NEBL: variants seen among roughly 807,000 people sequenced by gnomAD.
NEBL encodes nebulette.
In NEBL, 122 loss-of-function variants were observed where a neutral mutation model predicts 140.2. The ratio of observed to expected loss-of-function variants is 0.87; its 90% CI spans 0.75 to 1.01. The LOEUF (loss-of-function observed/expected upper bound fraction) is 1.01. Ranked by LOEUF, NEBL falls within the 50% of genes least tolerant of loss-of-function variation. The pLI, the probability that NEBL is intolerant of heterozygous loss-of-function variation, is 0.00. For missense variants in NEBL, 1,365 were observed against 1,231.3 expected, an observed-to-expected ratio of 1.11 and a Z score of -1.62; for synonymous variants, 436 against 398.9, an observed-to-expected ratio of 1.09 and a Z score of -1.11.
intron 2 of NEBL, among the ~76,000 whole-genome samples, chr10:21,146,720 T>TA (rs143998663): frequency 0.014 from 2,163 of 152,280 alleles, 48 homozygotes; most frequent in African/African-American, 0.049. Flanking sequence ...CCTGGTAAAG[T>TA]AAAAATTTTT....
chr10:21,258,561 C>T (rs1206737245), intron 1 of NEBL, among the ~76,000 whole-genome samples: 12 of 151,870 alleles, frequency 7.9e-5, no homozygotes, highest in Admixed American at 2.0e-4. Flanking sequence ...AAAAATTAGC[C>T]GGGTGTGGTG....
intron 5 of NEBL, among the ~76,000 whole-genome samples, chr10:20,871,385 T>G (rs1228144599): frequency 6.6e-6 from 1 of 152,224 alleles, no homozygotes; most frequent in East Asian, 1.9e-4. Flanking sequence ...GTAATATTCA[T>G]ATATCTTGTT....
chr10:21,021,196 T>C (rs567736087), intron 2 of NEBL, among the ~76,000 whole-genome samples: 1 of 152,364 alleles, frequency 6.6e-6, no homozygotes, highest in East Asian at 1.9e-4. Context: ...TATTTACTTA[T>C]ATAAATGTAT....
chr10:20,954,881 T>C (rs2131603555), intron 4 of NEBL, among the ~76,000 whole-genome samples: 1 of 152,132 alleles, frequency 6.6e-6, no homozygotes, highest in South Asian at 2.1e-4. Context: ...CAGGCAGAAG[T>C]GTGAAATGGA....
intron 2 of NEBL, among the ~76,000 whole-genome samples, chr10:21,085,743 A>C (rs903667072): frequency 2.7e-5 from 4 of 147,692 alleles, no homozygotes; most frequent in Non-Finnish European, 5.9e-5. Context: ...TATATGTGTT[A>C]AAGTAAAGTT....
intron 2 of NEBL, among the ~76,000 whole-genome samples, chr10:21,038,166 G>C (rs138495120): frequency 1.4e-3 from 211 of 152,232 alleles, no homozygotes; most frequent in African/African-American, 4.5e-3. Context: ...CAATCAAGTA[G>C]CAACTCAAGG....
intron 2 of NEBL, among the ~76,000 whole-genome samples, chr10:21,100,346 A>G (rs1185868297): frequency 6.6e-6 from 1 of 152,158 alleles, no homozygotes. Context: ...CTCTCGCCAC[A>G]GTGAAGAAGC....
intron 4 of NEBL, 54 bp downstream of exon 4, chr10:20,888,043 T>C (rs1377026041): frequency 1.6e-6 from 2 of 1,250,704 alleles, no homozygotes; most frequent in Non-Finnish European, 2.4e-6. Flanking sequence ...AGTAGCTTTT[T>C]TCCAGTTATA....
chr10:21,150,420 G>T (rs570500848), intron 2 of NEBL, among the ~76,000 whole-genome samples: 11 of 152,312 alleles, frequency 7.2e-5, no homozygotes, highest in African/African-American at 2.4e-4. Flanking sequence ...ACCAATTAAA[G>T]CTGAAATGAT....
chr10:21,105,657 G>A (rs1248371789), intron 2 of NEBL, among the ~76,000 whole-genome samples: 1 of 152,174 alleles, frequency 6.6e-6, no homozygotes, highest in Non-Finnish European at 1.5e-5. Flanking sequence ...ATGTGTGCAT[G>A]TGTCTTTGTA....
intron 1 of NEBL, among the ~76,000 whole-genome samples, chr10:21,275,637 CT>C (rs11396394): frequency 0.062 from 7,413 of 119,428 alleles, 92 homozygotes; most frequent in Non-Finnish European, 0.068. Context: ...ACATTACCAG[CT>C]TTTTTTTTTT....
At chr10:20,830,273 T>A (rs565804655) in intron 16 of NEBL, among the ~76,000 whole-genome samples, 158 of 152,374 alleles carry the variant, frequency 1.0e-3, no homozygotes, top group African/African-American at 3.7e-3. Context: ...CTGCATAAAC[T>A]CCATTAATCA....
chr10:21,218,183 G>A (rs1410020923), intron 3 of NEBL: 1 of 152,350 alleles, frequency 6.6e-6, no homozygotes, highest in South Asian at 2.1e-4. Flanking sequence ...CAAGAGCCTT[G>A]GCCCTGGAAA....
chr10:21,128,341 C>T (rs997429162), intron 2 of NEBL, among the ~76,000 whole-genome samples: 3 of 152,108 alleles, frequency 2.0e-5, no homozygotes, highest in African/African-American at 7.2e-5. Flanking sequence ...GTTTTCTGCA[C>T]TGGGTGAGTT....
intron 2 of NEBL, among the ~76,000 whole-genome samples, chr10:21,044,067 A>G (rs959864190): frequency 1.3e-5 from 2 of 152,136 alleles, no homozygotes; most frequent in Non-Finnish European, 1.5e-5. Flanking sequence ...TTCCCTAAAC[A>G]ATGCTCCATG....
At chr10:20,974,380 A>G (rs1356028243) in intron 3 of NEBL, among the ~76,000 whole-genome samples, 1 of 151,648 alleles carries the variant, frequency 6.6e-6, no homozygotes, top group Non-Finnish European at 1.5e-5. Context: ...CAGCCTTTCA[A>G]GTACTTGGGA....
intron 4 of NEBL, 150 bp downstream of exon 4, chr10:20,887,947 C>T: frequency 7.4e-6 from 5 of 674,000 alleles, no homozygotes; most frequent in East Asian, 2.8e-5. Context: ...ATTTCAACAG[C>T]AACTACTGAC....
chr10:21,190,728 A>C (rs74997469), intron 3 of NEBL, among the ~76,000 whole-genome samples: 30 of 152,346 alleles, frequency 2.0e-4, no homozygotes, highest in African/African-American at 7.2e-4. Context: ...TAGAGATCCA[A>C]ACTCTTCCTG....
At chr10:20,876,938 G>T (rs1378145444) in intron 5 of NEBL, among the ~76,000 whole-genome samples, 1 of 152,152 alleles carries the variant, frequency 6.6e-6, no homozygotes, top group Non-Finnish European at 1.5e-5. Flanking sequence ...ATTTCGATTG[G>T]CTGTTTTTAA....
Sources: allele counts gnomAD v4.1 joint callset (sites outside exome capture counted in the v4.1 genomes callset), GRCh38; gene constraint gnomAD v4.1.1; transcripts MANE v1.5; gene names NCBI Gene and HGNC (gene_info 2026-07-23, HGNC 2026-07-21).